Variants in HECW2 observed in about 807,000 individuals in gnomAD.
HECW2 encodes the protein HECT, C2 and WW domain containing E3 ubiquitin protein ligase 2.
A neutral mutation model predicts 175.2 loss-of-function variants in HECW2; 61 were observed. The observed-to-expected ratio is 0.35, with a 90% CI of 0.28 to 0.43. The LOEUF (loss-of-function observed/expected upper bound fraction) is 0.43. Among genes scored for constraint, HECW2 ranks in the 20% least tolerant of loss-of-function variants. The pLI is 1.00. For synonymous variants in HECW2, 671 were observed against 731.0 expected, an observed-to-expected ratio of 0.92 and a Z score of 1.32; for missense variants, 1,524 against 2,000.5, an observed-to-expected ratio of 0.76 and a Z score of 4.54.
At chr2:196,255,765 A>G (rs929393425) in intron 18 of HECW2, among the ~76,000 whole-genome samples, 3 of 152,206 alleles carry the variant, frequency 2.0e-5, no homozygotes, top group Non-Finnish European at 4.4e-5. Flanking sequence ...AATCATTCCA[A>G]TTCCAAAGTG....
chr2:196,425,177 G>A (rs1695508677), intron 2 of HECW2, among the ~76,000 whole-genome samples: 1 of 151,082 alleles, frequency 6.6e-6, no homozygotes, highest in African/African-American at 2.4e-5. Context: ...TATTTTTACG[G>A]AATATTTTGC....
intron 1 of HECW2, among the ~76,000 whole-genome samples, chr2:196,501,360 T>C (rs1371696753): frequency 6.6e-6 from 1 of 152,164 alleles, no homozygotes; most frequent in Non-Finnish European, 1.5e-5. Context: ...CTCAGCTCAC[T>C]GCAACCTCCC....
At chr2:196,204,007 A>T (rs1387916658) in intron 28 of HECW2, among the ~76,000 whole-genome samples, 2 of 152,222 alleles carry the variant, frequency 1.3e-5, no homozygotes, top group African/African-American at 4.8e-5. Flanking sequence ...GCATATTTTA[A>T]GGTTGATGTT....
intron 13 of HECW2, among the ~76,000 whole-genome samples, chr2:196,296,158 G>GTATATATATATGTAATT (rs1553493466): frequency 2.0e-5 from 3 of 151,950 alleles, no homozygotes; most frequent in Non-Finnish European, 2.9e-5. Flanking sequence ...TTATGTGTGT[G>GTATATATATATGTAATT]TATATATATA....
chr2:196,438,878 GTA>G (rs1488260112), intron 1 of HECW2, among the ~76,000 whole-genome samples: 3 of 152,186 alleles, frequency 2.0e-5, no homozygotes, highest in Admixed American at 1.3e-4. Context: ...CCCTGAAGCT[GTA>G]TAGTCTTCAA....
intron 2 of HECW2, among the ~76,000 whole-genome samples, chr2:196,385,806 G>GC (rs1559080694): frequency 6.6e-6 from 1 of 151,838 alleles, no homozygotes; most frequent in East Asian, 1.9e-4. Context: ...CATGGGTTTT[G>GC]TTTTTTTTCC....
intron 2 of HECW2, among the ~76,000 whole-genome samples, chr2:196,431,694 A>T (rs551429154): frequency 6.6e-6 from 1 of 152,232 alleles, no homozygotes; most frequent in South Asian, 2.1e-4. Flanking sequence ...ATACAAATGT[A>T]ATTTTTAAAT....
intron 4 of HECW2, among the ~76,000 whole-genome samples, chr2:196,334,115 C>G (rs1692464376): frequency 1.3e-5 from 2 of 152,202 alleles, no homozygotes; most frequent in Non-Finnish European, 2.9e-5. Context: ...TTCCTACCAA[C>G]TGGTCACCCA....
intron 13 of HECW2, among the ~76,000 whole-genome samples, chr2:196,300,081 G>A (rs1337741188): frequency 6.6e-6 from 1 of 152,140 alleles, no homozygotes; most frequent in African/African-American, 2.4e-5. Context: ...GTCATTGGTG[G>A]TTTGACATTG....
At chr2:196,336,567 ACT>A (rs1330200296) in intron 3 of HECW2, among the ~76,000 whole-genome samples, 3 of 151,948 alleles carry the variant, frequency 2.0e-5, no homozygotes, top group African/African-American at 7.3e-5. Context: ...TCTTCCCCTA[ACT>A]CTGTCTCAAG....
chr2:196,211,974 C>T (rs34225840), intron 28 of HECW2, among the ~76,000 whole-genome samples: 74,438 of 152,056 alleles, frequency 0.49, 20,658 homozygotes, highest in Non-Finnish European at 0.62. Flanking sequence ...GTAGCTGGGA[C>T]TATAGGCGTA....
chr2:196,375,811 G>A (rs1694035758), intron 2 of HECW2, among the ~76,000 whole-genome samples: 1 of 152,208 alleles, frequency 6.6e-6, no homozygotes. Context: ...ACTTATTACT[G>A]TATTGCAGTT....
rs754564460 is a variant in HECW2 at position 196,409,037 on chromosome 2, T to A, written c.292+24095A>T. On this transcript the variant is annotated intron_variant, in intron 2 of 28. Coordinates refer to ENST00000644978, the MANE Select transcript of HECW2 (RefSeq NM_001348768.2). ...AAACTTGCAAGCTGGTTGTTAGATGTTGGTAGCTTGAAATTGGCCATGGTA... is the reference window on the plus strand; with the variant it reads ...AAACTTGCAAGCTGGTTGTTAGATGATGGTAGCTTGAAATTGGCCATGGTA... Among the ~76,000 whole-genome samples the A allele has an allele frequency of 5.5e-4, 84 of 152,172 alleles. 1 individual carries two copies. The highest frequency in any genetic ancestry group is 1.0e-3 in the Non-Finnish European group (69 of 68,024).
At chr2:196,211,574 A>G (rs1418268747) in intron 28 of HECW2, among the ~76,000 whole-genome samples, 1 of 152,168 alleles carries the variant, frequency 6.6e-6, no homozygotes, top group Non-Finnish European at 1.5e-5. Flanking sequence ...ACAACCATAT[A>G]TACTTTTATA....
chr2:196,306,919 T>A (rs1374277640), intron 12 of HECW2, among the ~76,000 whole-genome samples: 2 of 152,234 alleles, frequency 1.3e-5, no homozygotes, highest in African/African-American at 4.8e-5. Context: ...GAAATTTATA[T>A]TCTACTTGGG....
intron 19 of HECW2, among the ~76,000 whole-genome samples, chr2:196,252,990 A>G (rs1688914424): frequency 6.6e-6 from 1 of 152,242 alleles, no homozygotes; most frequent in Non-Finnish European, 1.5e-5. Flanking sequence ...CTTCAAAGGA[A>G]GAAACTGTAT....
At chr2:196,348,367 G>A (rs982893103) in intron 2 of HECW2, among the ~76,000 whole-genome samples, 1 of 152,050 alleles carries the variant, frequency 6.6e-6, no homozygotes, top group East Asian at 1.9e-4. Flanking sequence ...GTGGGCCCAG[G>A]TGCAGTGGGT....
At chr2:196,360,899 G>A (rs1051272629) in intron 2 of HECW2, among the ~76,000 whole-genome samples, 1 of 152,042 alleles carries the variant, frequency 6.6e-6, no homozygotes, top group African/African-American at 2.4e-5. Context: ...GCTCAATGAG[G>A]GCACTACAGG....
chr2:196,355,174 T>C (rs1485551139), intron 2 of HECW2, among the ~76,000 whole-genome samples: 1 of 152,214 alleles, frequency 6.6e-6, no homozygotes, highest in African/African-American at 2.4e-5. Context: ...AATTTCATGA[T>C]AAAAATGTTA....
Sources: gnomAD v4.1 joint callset for allele counts (sites outside exome capture counted in the v4.1 genomes callset) on GRCh38, gnomAD v4.1.1 for gene constraint, MANE v1.5 for transcripts, NCBI Gene and HGNC (gene_info 2026-07-23, HGNC 2026-07-21) for gene names.